MICAL3: variants seen among roughly 807,000 people sequenced by gnomAD.
MICAL3 encodes [F-actin]-monooxygenase MICAL3.
A neutral mutation model predicts 207.4 loss-of-function variants in MICAL3; 62 were observed. The observed-to-expected ratio is 0.30, with a 90% CI of 0.24 to 0.37. MICAL3 has a LOEUF of 0.37. Among genes scored for constraint, MICAL3 ranks in the 10% least tolerant of loss-of-function variants. The probability of loss-of-function intolerance (pLI) is 1.00; values close to 1 mark genes in which losing one functional copy is unlikely to be tolerated. For missense variants in MICAL3, 2,368 were observed against 2,635.6 expected (o/e 0.90, Z 2.22); for synonymous variants, 1,077 against 1,069.3 (o/e 1.01, Z -0.14).
chr22:17,848,352 C>A (rs2587115), intron 19 of MICAL3, among the ~76,000 whole-genome samples: 32,973 of 152,128 alleles, frequency 0.22, 3,649 homozygotes, highest in Middle Eastern at 0.27. Flanking sequence ...TCCCACACGT[C>A]CTCACATACT....
intron 1 of MICAL3, among the ~76,000 whole-genome samples, chr22:18,000,551 G>C (rs961540309): frequency 2.0e-4 from 31 of 152,362 alleles, no homozygotes; most frequent in Middle Eastern, 3.4e-3. Flanking sequence ...CCGCATGCCA[G>C]GCGGAGGGTC....
At position 17,895,415 on chromosome 22, in the gene MICAL3, A is replaced by G. The variant is rs748704815; in HGVS notation, c.1323-5T>C. 3 of 1,613,618 alleles carry G rather than the reference A, an allele frequency of 1.9e-6. No homozygotes were observed. The highest frequency in any genetic ancestry group is 4.5e-5 in the East Asian group (2 of 44,874). ...AGCAACCTGTAAATACTTTCCCTGC[A>G]ATAACACAACAATATACTCAGAATC... On this transcript the variant is annotated splice_region_variant and splice_polypyrimidine_tract_variant and intron_variant, in intron 9 of 31. Transcript: ENST00000441493.
intron 20 of MICAL3, chr22:17,840,024 A>G (rs12170086): frequency 0.14 from 19,960 of 140,432 alleles, 2,128 homozygotes; most frequent in African/African-American, 0.32. Context: ...TCCGCCTCCC[A>G]GGTTCAAGTG....
intron 12 of MICAL3, among the ~76,000 whole-genome samples, chr22:17,889,690 C>T (rs1208475201): frequency 2.6e-5 from 4 of 152,246 alleles, no homozygotes; most frequent in East Asian, 3.9e-4. Context: ...GCCTACAGTC[C>T]TAGCTACTTG....
At chr22:17,835,029 C>T (rs1923215662) in intron 20 of MICAL3, among the ~76,000 whole-genome samples, 1 of 152,202 alleles carries the variant, frequency 6.6e-6, no homozygotes, top group South Asian at 2.1e-4. Context: ...GGGAGGGGGC[C>T]TCAGCACAGG....
chr22:18,015,141 G>T (rs1266038731), intron 1 of MICAL3, among the ~76,000 whole-genome samples: 1 of 152,122 alleles, frequency 6.6e-6, no homozygotes, highest in East Asian at 1.9e-4. Flanking sequence ...CAAACTACCT[G>T]CCGTAAGCAA....
At chr22:17,846,221 C>T (rs1924610304) in intron 19 of MICAL3, among the ~76,000 whole-genome samples, 1 of 152,170 alleles carries the variant, frequency 6.6e-6, no homozygotes. Context: ...AGAGCTCCAG[C>T]TCACCCTGTG....
chr22:17,849,324 A>G (rs1602048968), intron 19 of MICAL3, among the ~76,000 whole-genome samples: 1 of 152,152 alleles, frequency 6.6e-6, no homozygotes, highest in African/African-American at 2.4e-5. Context: ...AGTCCTTCCA[A>G]TCAATCATGC....
chr22:17,944,794 C>T (rs944143524), intron 1 of MICAL3, among the ~76,000 whole-genome samples: 1 of 152,126 alleles, frequency 6.6e-6, no homozygotes, highest in African/African-American at 2.4e-5. Flanking sequence ...GCTGGGTCCT[C>T]CAACAGCTAT....
chr22:17,809,123 C>T lies in MICAL3; in HGVS notation c.5557-186G>A, dbSNP rs536265031. ...ACCAGAACCACCTAGCTTGTGTAGA[C>T]GCCAGGCTCCGGGCCTTGCTAGTTA... On this transcript the variant is annotated intron_variant, in intron 28 of 31. Transcript: ENST00000441493. Among the ~76,000 whole-genome samples the T allele has an allele frequency of 1.4e-4, 22 of 152,280 alleles. 1 individual carries two copies. The South Asian group carries it at 4.4e-3, about 30-fold the overall frequency.
Position 18,002,787 on chromosome 22 carries a change from TG to T in MICAL3, c.-75+21493del, listed in dbSNP as rs371268437. 4.4e-3 allele frequency among the ~76,000 whole-genome samples: 676 copies of T among 152,338 alleles called. 5 individuals carry two copies. The highest frequency in any genetic ancestry group is 0.015 in the African/African-American group (638 of 41,582). ...TCTGATGGCCTTCACACACTTCATG[TG>T]TGATCCTATCATCCTTTGCACAGGA... On this transcript the variant is annotated intron_variant, in intron 1 of 31. Coordinates refer to ENST00000441493, the MANE Select transcript of MICAL3 (RefSeq NM_015241.3).
At chr22:17,857,998 A>G (rs970379879) in intron 19 of MICAL3, among the ~76,000 whole-genome samples, 4 of 152,190 alleles carry the variant, frequency 2.6e-5, no homozygotes, top group Non-Finnish European at 4.4e-5. Context: ...AAATATTCAG[A>G]AAGTGTTCAT....
At position 17,865,732 on chromosome 22, in the gene MICAL3, C is replaced by G. The variant is rs73386322; in HGVS notation, c.2517+192G>C. ...GGGGCAGGTGGAGCCTTTACCTTAG[C>G]GAGGCAACCTCAGATCATCCATGAA... On this transcript the variant is annotated intron_variant, in intron 18 of 31. Transcript: ENST00000441493. Among the ~76,000 whole-genome samples, 846 of 152,336 alleles carry G rather than the reference C, an allele frequency of 5.6e-3. 8 individuals are homozygous for G. The highest frequency in any genetic ancestry group is 0.02 in the African/African-American group (813 of 41,580).
At chr22:17,794,449 C>T (rs543442804) in intron 29 of MICAL3, among the ~76,000 whole-genome samples, 120 of 152,388 alleles carry the variant, frequency 7.9e-4, no homozygotes, top group Non-Finnish European at 1.5e-3. Context: ...GCCTCTGAGT[C>T]TGTGGGGGCA....
chr22:17,935,819 G>GA (rs1434232052), intron 1 of MICAL3, among the ~76,000 whole-genome samples: 1 of 152,170 alleles, frequency 6.6e-6, no homozygotes, highest in Non-Finnish European at 1.5e-5. Context: ...ACAGACACAT[G>GA]AAAAAATGCT....
At chr22:17,980,468 G>GAATA (rs1935858049) in intron 1 of MICAL3, among the ~76,000 whole-genome samples, 1 of 152,150 alleles carries the variant, frequency 6.6e-6, no homozygotes, top group Non-Finnish European at 1.5e-5. Flanking sequence ...CCCTACCATG[G>GAATA]AATACCCTCC....
intron 19 of MICAL3, among the ~76,000 whole-genome samples, chr22:17,846,260 C>T (rs1924613192): frequency 6.6e-6 from 1 of 152,200 alleles, no homozygotes; most frequent in South Asian, 2.1e-4. Flanking sequence ...AGCACACTGG[C>T]AGGCCATTGC....
At chr22:17,876,874 G>GGGAGGTTATGGAGGTTAGAGAAGTTAT in intron 16 of MICAL3, 2 of 18,566 alleles carry the variant, frequency 1.1e-4, no homozygotes, top group East Asian at 1.5e-3. Flanking sequence ...AGGGAGGTTA[G>GGGAGGTTATGGAGGTTAGAGAAGTTAT]GGAGGTTAGG....
rs556114142 is a variant in MICAL3 at position 17,906,432 on chromosome 22, C to T, written c.264+117G>A. On this transcript the variant is annotated intron_variant, in intron 2 of 31. Coordinates refer to ENST00000441493, the MANE Select transcript of MICAL3 (RefSeq NM_015241.3). ...CTCTGGCACAGAACTTGCCATAGAA[C>T]TTCTTGGCACCCAGACCTTGTAGAT... 354 of 1,592,712 alleles carry T rather than the reference C, an allele frequency of 2.2e-4. 4 individuals carry two copies. In the South Asian group the frequency reaches 3.1e-3, roughly 14 times the overall value.
Sources: gnomAD v4.1 joint callset for allele counts (sites outside exome capture counted in the v4.1 genomes callset) on GRCh38, gnomAD v4.1.1 for gene constraint, MANE v1.5 for transcripts, NCBI Gene and HGNC (gene_info 2026-07-23, HGNC 2026-07-21) for gene names.